The following ZNF440 variants were observed in gnomAD, a reference collection of about 807,000 sequenced individuals.
The protein encoded by ZNF440 is zinc finger protein 440.
Under a neutral mutation model 49.7 loss-of-function variants are expected in ZNF440, and 47 were observed. The ratio of observed to expected loss-of-function variants is 0.95; its 90% CI spans 0.75 to 1.21. The LOEUF (loss-of-function observed/expected upper bound fraction) is 1.21, where lower values mean the gene tolerates loss of function less well. Among genes scored for constraint, ZNF440 ranks in the 50% most tolerant of loss-of-function variants. The pLI, the probability that ZNF440 is intolerant of heterozygous loss-of-function variation, is 0.00. For synonymous variants in ZNF440, 255 were observed against 237.7 expected (o/e 1.07, Z -0.67); for missense variants, 703 against 715.0 (o/e 0.98, Z 0.19).
intron 3 of ZNF440, 33 bp from the exon 4 acceptor site, chr19:11,831,335 A>C (rs1410806144): frequency 6.3e-7 from 1 of 1,583,752 alleles, no homozygotes; most frequent in East Asian, 2.2e-5. Flanking sequence ...CTTATAAACA[A>C]ACCCTTCATA....
At chr19:11,827,031 C>T (rs1004087503) in intron 1 of ZNF440, among the ~76,000 whole-genome samples, 7 of 150,604 alleles carry the variant, frequency 4.6e-5, no homozygotes, top group Middle Eastern at 3.5e-3. Flanking sequence ...GCCATAATTA[C>T]ATTCTTTAGC....
Position 11,832,067 on chromosome 19 carries a change from T to G in ZNF440, c.891T>G (p.Arg297=), listed in dbSNP as rs779672208. ...KECGKAFTCP[R]YVRIHERTHS... ...GTGGAAAAGCATTCACGTGTCCCCG[T>G]TATGTTCGTATACATGAAAGGACCC... The change falls in exon 4 of 4, where the codon CGT becomes CGG. Residue 297 remains arginine, a synonymous_variant. Coordinates refer to ENST00000304060, the MANE Select transcript of ZNF440 (RefSeq NM_152357.3). 8.1e-6 allele frequency: 13 copies of G among 1,614,018 alleles called. No homozygotes were observed. The highest frequency in any genetic ancestry group is 1.6e-4 in the Middle Eastern group (1 of 6,084).
At chr19:11,829,114 G>A (rs191346388) in intron 1 of ZNF440, among the ~76,000 whole-genome samples, 11 of 152,240 alleles carry the variant, frequency 7.2e-5, no homozygotes, top group East Asian at 3.9e-4. Flanking sequence ...CAGGAAGGTC[G>A]TATAGTGGTT....
In ZNF440 at chr19:11,833,883, A is replaced by G. The variant is rs1975985631; in HGVS notation, c.*919A>G. 2 of 400,694 alleles carry G rather than the reference A, an allele frequency of 5.0e-6. No individual in the cohort carries two copies. Among genetic ancestry groups the G allele is most frequent in the Non-Finnish European group, 9.1e-6 (2 of 219,796 alleles). 24.8% of individuals were successfully genotyped at this position (400,694 alleles called of 1,614,324 possible). A position where few individuals can be genotyped will look rare whatever the true frequency, so the allele number is the denominator to read the frequency against. ...TGACAAGATTCTTTGAATACAGATAATGAATGTAAACAATTAACTGTTTAT... is the reference window on the plus strand; with the variant it reads ...TGACAAGATTCTTTGAATACAGATAGTGAATGTAAACAATTAACTGTTTAT... On this transcript the variant is annotated 3_prime_UTR_variant, in exon 4 of 4. Transcript: ENST00000304060.
rs1468631774 is a variant in ZNF440, at chr19:11,832,592, A to G, written c.1416A>G (p.Ser472=). The G allele has an allele frequency of 1.2e-6, 2 of 1,613,082 alleles. No homozygotes were observed. The highest frequency in any genetic ancestry group is 2.2e-5 in the East Asian group (1 of 44,842). ...GGAAAGGCTTTTATTGTCCCAAATC[A>G]TTTCAAAGACATGAAAAAACTCACA... ...ICGKGFYCPK[S]FQRHEKTHTG... Residue 472 remains serine (S), a synonymous_variant, in exon 4 of 4, where the codon TCA becomes TCG. Coordinates refer to ENST00000304060, the MANE Select transcript of ZNF440 (RefSeq NM_152357.3).
intron 3 of ZNF440, 125 bp downstream of exon 3, chr19:11,830,802 G>A (rs410885): frequency 0.36 from 465,114 of 1,290,026 alleles, 86,334 homozygotes; most frequent in African/African-American, 0.46. Flanking sequence ...TAGAATATTT[G>A]ATCAAAAAAC....
intron 1 of ZNF440, among the ~76,000 whole-genome samples, chr19:11,828,947 G>C (rs1975900032): frequency 2.6e-5 from 4 of 151,926 alleles, no homozygotes. Flanking sequence ...GCCTTCCAAA[G>C]TGCTGGGATT....
At position 11,832,947 on chromosome 19, in the gene ZNF440, G is replaced by T. The variant is rs200800492; in HGVS notation, c.1771G>T (p.Gly591Ter). ...GCCCAGAACCTTCGAATTCATGAAAGGACACAAACACACATAATGCACTCT... is the reference window on the plus strand; with the variant it reads ...GCCCAGAACCTTCGAATTCATGAAATGACACAAACACACATAATGCACTCT... ...DLPRTFEFMK[G>*]HKHT is the part of the protein sequence containing the mutation. Residue 591 changes from glycine (G) to a stop codon, truncating the protein, a stop_gained, in exon 4 of 4, where the codon GGA becomes TGA. Coordinates refer to ENST00000304060, the MANE Select transcript of ZNF440 (RefSeq NM_152357.3). LOFTEE classifies it high-confidence loss of function. 114 of 1,608,756 alleles carry T rather than the reference G, an allele frequency of 7.1e-5. No homozygotes were observed. In the African/African-American group the frequency reaches 1.4e-3, roughly 20 times the overall value.
intron 1 of ZNF440, chr19:11,830,048 G>A (rs406386): frequency 0.36 from 262,877 of 736,210 alleles, 48,925 homozygotes; most frequent in African/African-American, 0.46. Context: ...CTAGAACCCC[G>A]GCAGTGAGCC....
Position 11,831,612 on chromosome 19 carries a change from T to A in ZNF440, c.436T>A (p.Cys146Ser), listed in dbSNP as rs931621659. 6.2e-7 allele frequency: 1 copy of A among 1,614,146 alleles called. No individual in the cohort carries two copies. Among genetic ancestry groups the A allele is most frequent in the African/African-American group, 1.3e-5 (1 of 75,050 alleles). ...GGAATATGGACCAAAGCCATGTAAG[T>A]GTCAACAACCTAAAAAAGCCTTCAG... ...YQEYGPKPCK[C>S]QQPKKAFRYR... The change falls in exon 4 of 4, where the codon TGT becomes AGT. Residue 146 changes from cysteine (C) to serine (S), a missense_variant. Transcript: ENST00000304060.
At position 11,826,167 on chromosome 19, in the gene ZNF440, T is replaced by C. The variant is rs558038471; in HGVS notation, c.4-4116T>C. On this transcript the variant is annotated intron_variant, in intron 1 of 3. Coordinates refer to ENST00000304060, the MANE Select transcript of ZNF440 (RefSeq NM_152357.3). ...ACATTCTATTGTACGGATGTTACCATAGTTTGTTTCTTTATTCACCTGTTG... is the reference window on the plus strand; with the variant it reads ...ACATTCTATTGTACGGATGTTACCACAGTTTGTTTCTTTATTCACCTGTTG... Among the ~76,000 whole-genome samples the C allele has an allele frequency of 4.6e-5, 7 of 152,306 alleles. No individual in the cohort carries two copies. In the South Asian group the frequency reaches 1.2e-3, roughly 27 times the overall value.
intron 1 of ZNF440, chr19:11,817,165 A>C (rs935273178): frequency 6.6e-6 from 1 of 152,212 alleles, no homozygotes; most frequent in African/African-American, 2.4e-5. Context: ...TGGACTCAGT[A>C]CTCCAAAATT....
At chr19:11,818,674 G>A (rs1211812931) in intron 1 of ZNF440, among the ~76,000 whole-genome samples, 1 of 152,086 alleles carries the variant, frequency 6.6e-6, no homozygotes, top group Non-Finnish European at 1.5e-5. Flanking sequence ...CCAAGTAGCT[G>A]AGACTATAGT....
chr19:11,824,182 CAAAAAAAAA>C (rs200865473), intron 1 of ZNF440, among the ~76,000 whole-genome samples: 13 of 60,020 alleles, frequency 2.2e-4, no homozygotes, highest in Non-Finnish European at 4.5e-4. Flanking sequence ...TACCCTGTTT[CAAAAAAAAA>C]AAAAAAAAAA....
chr19:11,825,976 C>G (rs188624881), intron 1 of ZNF440, among the ~76,000 whole-genome samples: 4 of 151,878 alleles, frequency 2.6e-5, no homozygotes, highest in Admixed American at 6.6e-5. Flanking sequence ...CCATCACGCC[C>G]GGCTGATTTT....
At chr19:11,815,864 C>G (rs1267063872) in intron 1 of ZNF440, 1 of 152,326 alleles carries the variant, frequency 6.6e-6, no homozygotes, top group Non-Finnish European at 1.5e-5. Context: ...GACGGCGTCA[C>G]TCCAGCCTGG....
chr19:11,833,576 A>G lies in ZNF440; in HGVS notation c.*612A>G, dbSNP rs1062257. 3 of 298,400 alleles carry G rather than the reference A, an allele frequency of 1.0e-5. No individual in the cohort carries two copies. Among genetic ancestry groups the G allele is most frequent in the African/African-American group, 4.5e-5 (2 of 43,994 alleles). 18.5% of individuals were successfully genotyped at this position (298,400 alleles called of 1,614,324 possible). ...AACACACTAGGGAGAAACCCTATCA[A>G]TGTAAGCAATGTGCAAAAGCCTTTA... is the stretch of plus-strand genomic sequence containing the variant. On this transcript the variant is annotated 3_prime_UTR_variant, in exon 4 of 4. Transcript: ENST00000304060.
chr19:11,833,995 T>C lies in ZNF440; in HGVS notation c.*1031T>C, dbSNP rs1975987158. 1 of 261,656 alleles carries C rather than the reference T, an allele frequency of 3.8e-6. No homozygotes were observed. Among genetic ancestry groups the C allele is most frequent in the Non-Finnish European group, 7.7e-6 (1 of 130,612 alleles). The allele number at this position is 261,656 out of a possible 1,614,324, so 16.2% of individuals were successfully genotyped here. On this transcript the variant is annotated 3_prime_UTR_variant, in exon 4 of 4. Transcript: ENST00000304060. ...GTCATGTATTAGATCAGCCTTATAC[T>C]GTTAAATTGTTATTATTTGGACATT... is the stretch of plus-strand genomic sequence containing the variant.
At chr19:11,831,337 C>T in intron 3 of ZNF440, 31 bp from the exon 4 acceptor site, 2 of 1,584,860 alleles carry the variant, frequency 1.3e-6, no homozygotes, top group South Asian at 1.2e-5. Flanking sequence ...TATAAACAAA[C>T]CCTTCATAAT....
Sources: gnomAD v4.1 joint callset for allele counts (sites outside exome capture counted in the v4.1 genomes callset) on GRCh38, gnomAD v4.1.1 for gene constraint, MANE v1.5 for transcripts, NCBI Gene and HGNC (gene_info 2026-07-23, HGNC 2026-07-21) for gene names.